Variants in TYW2 observed in about 807,000 individuals in gnomAD.
TYW2 encodes the protein tRNA wybutosine-synthesizing protein 2.
the TYW2 span, chr8:124,451,171 A>T: frequency 6.2e-7 from 1 of 1,614,086 alleles, no homozygotes; most frequent in Non-Finnish European, 8.5e-7. Flanking sequence ...TGCCCCAGGC[A>T]GTCCCTGTAT....
chr8:124,450,852 A>G, the TYW2 span: 50 of 1,516,112 alleles, frequency 3.3e-5, no homozygotes, highest in East Asian at 9.1e-5. Flanking sequence ...GGTGAGCTGC[A>G]GGCTACCTTA....
At chr8:124,451,891 T>C in the TYW2 span, 1 of 1,614,206 alleles carries the variant, frequency 6.2e-7, no homozygotes, top group Non-Finnish European at 8.5e-7. Flanking sequence ...GCCCATTGCC[T>C]GCCAAGTGTT....
chr8:124,451,391 A>C, the TYW2 span: 1 of 1,614,094 alleles, frequency 6.2e-7, no homozygotes, highest in Non-Finnish European at 8.5e-7. Flanking sequence ...CAGTGGAAAA[A>C]TCTGGGACCG....
the TYW2 span, chr8:124,451,449 A>C: frequency 2.5e-6 from 4 of 1,614,178 alleles, no homozygotes; most frequent in Non-Finnish European, 3.4e-6. Flanking sequence ...AGCGTTTGGC[A>C]AAACGAGGGC....
At chr8:124,451,839 T>C in the TYW2 span, 1 of 1,614,122 alleles carries the variant, frequency 6.2e-7, no homozygotes, top group Non-Finnish European at 8.5e-7. Flanking sequence ...ATATTGCAGA[T>C]AGGGTGATCC....
At chr8:124,451,500 G>A in the TYW2 span, 1 of 1,614,164 alleles carries the variant, frequency 6.2e-7, no homozygotes, top group South Asian at 1.1e-5. Flanking sequence ...CAGTGACACT[G>A]CTGCTGGGTG....
chr8:124,451,325 C>T, the TYW2 span: 2 of 1,614,170 alleles, frequency 1.2e-6, no homozygotes, highest in Non-Finnish European at 1.7e-6. Context: ...TTGCCCCGAT[C>T]ATGGCAACGG....
the TYW2 span, chr8:124,451,221 C>G: frequency 7.4e-6 from 12 of 1,614,036 alleles, no homozygotes; most frequent in Non-Finnish European, 1.0e-5. Flanking sequence ...CGAAGAGGGC[C>G]CAGGGTTGTT....
At chr8:124,451,957 G>A in the TYW2 span, 1 of 1,614,196 alleles carries the variant, frequency 6.2e-7, no homozygotes, top group Non-Finnish European at 8.5e-7. Flanking sequence ...ATCTTTCCCA[G>A]GGAAGAATCT....
the TYW2 span, chr8:124,450,928 A>C: frequency 3.7e-6 from 6 of 1,611,910 alleles, no homozygotes; most frequent in Non-Finnish European, 5.1e-6. Context: ...CGCTGAGGTG[A>C]TGAGAGAGAA....
chr8:124,452,342 G>A, the TYW2 span: 1 of 1,513,322 alleles, frequency 6.6e-7, no homozygotes, highest in South Asian at 1.3e-5. Context: ...GTTCAGTCCA[G>A]GTTGTCATCC....
chr8:124,452,935 A>G, the TYW2 span: 2 of 167,100 alleles, frequency 1.2e-5, no homozygotes, highest in South Asian at 2.1e-4. Context: ...AAGGGAACAA[A>G]AATTATTTTA....
At chr8:124,450,841 G>A in the TYW2 span, 6 of 1,472,444 alleles carry the variant, frequency 4.1e-6, no homozygotes, top group African/African-American at 2.8e-5. Context: ...CGGCATGGCC[G>A]GGTGAGCTGC....
the TYW2 span, chr8:124,451,487 C>T: frequency 1.2e-6 from 2 of 1,614,144 alleles, no homozygotes; most frequent in South Asian, 1.1e-5. Context: ...ACTCGAACTC[C>T]AGCAGTGACA....
the TYW2 span, chr8:124,451,873 G>A: frequency 3.1e-6 from 5 of 1,614,208 alleles, no homozygotes; most frequent in Non-Finnish European, 4.2e-6. Context: ...CAGCTCTGAA[G>A]AAGGCTGGCC....
chr8:124,451,596 T>G, the TYW2 span: 4 of 1,614,088 alleles, frequency 2.5e-6, no homozygotes, highest in Non-Finnish European at 3.4e-6. Flanking sequence ...GAAACATCAC[T>G]GAGAAGCTTC....
the TYW2 span, chr8:124,451,087 G>A: frequency 2.5e-6 from 4 of 1,614,228 alleles, no homozygotes; most frequent in Non-Finnish European, 3.4e-6. Flanking sequence ...AAAGATGCCG[G>A]ATGGCTCGGT....
chr8:124,450,879 T>C, the TYW2 span: 2 of 1,556,630 alleles, frequency 1.3e-6, no homozygotes, highest in Non-Finnish European at 1.7e-6. Context: ...ACCGGGAATT[T>C]AGTCAGCCTG....
At chr8:124,452,043 A>G in the TYW2 span, 2 of 1,614,134 alleles carry the variant, frequency 1.2e-6, no homozygotes, top group Non-Finnish European at 1.7e-6. Flanking sequence ...ACCAATGGAA[A>G]AATGGAGCTA....
Sources: gnomAD v4.1 joint callset for allele counts on GRCh38, gnomAD v4.1.1 for gene constraint, MANE v1.5 for transcripts, NCBI Gene and HGNC (gene_info 2026-07-23, HGNC 2026-07-21) for gene names.